Variants in NXPH1 observed in about 807,000 individuals in gnomAD.
NXPH1 encodes the protein neurexophilin-1.
A neutral mutation model predicts 23.7 loss-of-function variants in NXPH1; 5 were observed. The ratio of observed to expected loss-of-function variants is 0.21; its 90% confidence interval spans 0.11 to 0.44. NXPH1 has a LOEUF of 0.44. NXPH1 is among the 20% of genes least tolerant of loss of function. NXPH1 has a pLI of 0.99. For synonymous variants in NXPH1, 144 were observed against 122.2 expected (o/e 1.18, Z -1.18); for missense variants, 324 against 321.6 (o/e 1.01, Z -0.06).
intron 2 of NXPH1, among the ~76,000 whole-genome samples, chr7:8,615,832 T>C (rs141038845): frequency 3.1e-3 from 479 of 152,168 alleles, no homozygotes; most frequent in African/African-American, 0.011. Context: ...AAGTGCTACA[T>C]AAATGACAGC....
intron 2 of NXPH1, among the ~76,000 whole-genome samples, chr7:8,644,577 T>A (rs915003790): frequency 2.2e-5 from 3 of 137,754 alleles, no homozygotes; most frequent in African/African-American, 8.3e-5. Flanking sequence ...TTTAGACTAT[T>A]TTTTTTTAGC....
In NXPH1 at chr7:8,580,234, G is replaced by A. The variant is rs1277676014; in HGVS notation, c.54+144467G>A. On this transcript the variant is annotated intron_variant, in intron 2 of 2. Transcript: ENST00000405863. ...TATGCCGAATCAAGAATGGGTATGG[G>A]CAAAGGATAATGCTGATTGAATATG... 1.2e-3 allele frequency among the ~76,000 whole-genome samples: 178 copies of A among 152,176 alleles called. 3 individuals are homozygous for A. Among genetic ancestry groups the A allele is most frequent in the Non-Finnish European group, 1.3e-4 (9 of 68,046 alleles).
At chr7:8,748,642 T>C (rs773248041) in intron 2 of NXPH1, among the ~76,000 whole-genome samples, 5 of 152,220 alleles carry the variant, frequency 3.3e-5, no homozygotes, top group Non-Finnish European at 5.9e-5. Flanking sequence ...CATGAGGGCA[T>C]TGCTATTGCC....
intron 2 of NXPH1, among the ~76,000 whole-genome samples, chr7:8,467,158 A>G (rs757699750): frequency 3.3e-5 from 5 of 152,216 alleles, no homozygotes; most frequent in Non-Finnish European, 7.3e-5. Flanking sequence ...TCTTTTTTAT[A>G]TGAAAGTCCG....
chr7:8,649,113 A>G (rs1481959242), intron 2 of NXPH1, among the ~76,000 whole-genome samples: 3 of 151,798 alleles, frequency 2.0e-5, no homozygotes, highest in African/African-American at 4.8e-5. Context: ...TTTTCTTTCA[A>G]CCTTTATATA....
intron 2 of NXPH1, among the ~76,000 whole-genome samples, chr7:8,695,211 T>G (rs17154058): frequency 0.059 from 9,015 of 152,216 alleles, 471 homozygotes; most frequent in East Asian, 0.18. Context: ...CAATTTAAGG[T>G]CTTGGCGGAT....
chr7:8,571,290 G>A (rs1818642207), intron 2 of NXPH1, among the ~76,000 whole-genome samples: 1 of 151,810 alleles, frequency 6.6e-6, no homozygotes, highest in African/African-American at 2.4e-5. Context: ...TTTAAGAAGT[G>A]GAACTGAAAA....
At chr7:8,543,504 C>A (rs1030867597) in intron 2 of NXPH1, among the ~76,000 whole-genome samples, 1 of 151,534 alleles carries the variant, frequency 6.6e-6, no homozygotes, top group African/African-American at 2.4e-5. Context: ...TGTAACAATG[C>A]AGATTTGGGG....
At chr7:8,713,735 G>C (rs1430844938) in intron 2 of NXPH1, among the ~76,000 whole-genome samples, 1 of 152,172 alleles carries the variant, frequency 6.6e-6, no homozygotes, top group African/African-American at 2.4e-5. Context: ...CACCTTGGTG[G>C]TCTTGGATAA....
intron 2 of NXPH1, among the ~76,000 whole-genome samples, chr7:8,749,178 T>C (rs1266980101): frequency 6.6e-6 from 1 of 152,234 alleles, no homozygotes; most frequent in African/African-American, 2.4e-5. Context: ...TTCACAATAA[T>C]AGCTACATTT....
At chr7:8,610,904 G>A (rs1202081416) in intron 2 of NXPH1, among the ~76,000 whole-genome samples, 1 of 151,918 alleles carries the variant, frequency 6.6e-6, no homozygotes, top group African/African-American at 2.4e-5. Context: ...GCTCAGGTGG[G>A]CATGGAACAA....
At chr7:8,627,809 C>A (rs1409201169) in intron 2 of NXPH1, among the ~76,000 whole-genome samples, 1 of 152,028 alleles carries the variant, frequency 6.6e-6, no homozygotes, top group African/African-American at 2.4e-5. Context: ...TGCTTCTTAG[C>A]AACCAGACCA....
At chr7:8,740,562 G>T (rs2115227038) in intron 2 of NXPH1, among the ~76,000 whole-genome samples, 1 of 152,292 alleles carries the variant, frequency 6.6e-6, no homozygotes, top group Non-Finnish European at 1.5e-5. Context: ...TAGTTCCTAT[G>T]TAATACAGGC....
At chr7:8,443,213 T>G (rs2128604420) in intron 2 of NXPH1, among the ~76,000 whole-genome samples, 1 of 152,348 alleles carries the variant, frequency 6.6e-6, no homozygotes, top group African/African-American at 2.4e-5. Context: ...AAACTCTTGC[T>G]TGCACCCCTC....
At chr7:8,725,856 T>A (rs1780044290) in intron 2 of NXPH1, among the ~76,000 whole-genome samples, 1 of 103,652 alleles carries the variant, frequency 9.6e-6, no homozygotes, top group Non-Finnish European at 2.1e-5. Flanking sequence ...ACCTGGAAAG[T>A]TCTGAGCACT....
At chr7:8,497,471 C>A (rs1222220967) in intron 2 of NXPH1, among the ~76,000 whole-genome samples, 1 of 152,138 alleles carries the variant, frequency 6.6e-6, no homozygotes. Flanking sequence ...AGTTTACAGT[C>A]CCACCAACAG....
rs115540990 is a variant in NXPH1, at chr7:8,606,074, T to G, written c.55-144934T>G. Among the ~76,000 whole-genome samples the G allele has an allele frequency of 3.9e-3, 588 of 152,242 alleles. 9 individuals carry two copies. Among genetic ancestry groups the G allele is most frequent in the African/African-American group, 0.013 (546 of 41,564 alleles). On this transcript the variant is annotated intron_variant, in intron 2 of 2. Transcript: ENST00000405863. ...TTCTTGGTGATTTTGTGCAAGGGAT[T>G]GGGTAGCAATGACCTACAATGATGC...
chr7:8,713,526 T>G (rs1273010213), intron 2 of NXPH1, among the ~76,000 whole-genome samples: 4 of 151,856 alleles, frequency 2.6e-5, no homozygotes, highest in Admixed American at 1.3e-4. Context: ...TTTTGCTACC[T>G]GGGCATTGAA....
intron 2 of NXPH1, among the ~76,000 whole-genome samples, chr7:8,479,642 A>C (rs1275863763): frequency 2.0e-5 from 3 of 152,150 alleles, no homozygotes; most frequent in Non-Finnish European, 4.4e-5. Flanking sequence ...GACTTAGAGA[A>C]ATGACTAATT....
Sources: gnomAD v4.1 joint callset for allele counts (sites outside exome capture counted in the v4.1 genomes callset) on GRCh38, gnomAD v4.1.1 for gene constraint, MANE v1.5 for transcripts, NCBI Gene and HGNC (gene_info 2026-07-23, HGNC 2026-07-21) for gene names.